The following TRAPPC8 variants were observed in gnomAD, a reference collection of about 807,000 sequenced individuals.
TRAPPC8 encodes trafficking protein particle complex subunit 8.
TRAPPC8 carries 54 observed loss-of-function variants against 174.3 expected under a neutral mutation model. The ratio of observed to expected loss-of-function variants is 0.31; its 90% CI spans 0.25 to 0.39. The LOEUF (loss-of-function observed/expected upper bound fraction) is 0.39, where lower values mean the gene tolerates loss of function less well. Ranked by LOEUF, TRAPPC8 falls within the 10% of genes least tolerant of loss-of-function variation. The pLI is 1.00. For synonymous variants in TRAPPC8, 630 were observed against 579.9 expected, an observed-to-expected ratio of 1.09 and a Z score of -1.24; for missense variants, 1,531 against 1,699.1, an observed-to-expected ratio of 0.90 and a Z score of 1.74.
rs56034125 is a variant in TRAPPC8 at position 31,836,406 on chromosome 18, C to G, written c.3983+2906G>C. ...TAGATTCCATAGGGTTTTTTAACCC[C>G]TAAGTAGAATGATGTAGAGAACTCC... is the stretch of plus-strand genomic sequence containing the variant. On this transcript the variant is annotated intron_variant, in intron 27 of 28. Transcript: ENST00000283351. Among the ~76,000 whole-genome samples, 719 of 152,218 alleles carry G rather than the reference C, an allele frequency of 4.7e-3. 2 individuals are homozygous for G. Among genetic ancestry groups the G allele is most frequent in the African/African-American group, 0.017 (694 of 41,538 alleles).
intron 1 of TRAPPC8, among the ~76,000 whole-genome samples, chr18:31,940,895 AGAT>A (rs1409280274): frequency 6.6e-6 from 1 of 152,242 alleles, no homozygotes; most frequent in Admixed American, 6.5e-5. Context: ...TCAGGAGATA[AGAT>A]GATTAAGAAC....
At chr18:31,929,453 G>A (rs1349525646) in intron 2 of TRAPPC8, among the ~76,000 whole-genome samples, 2 of 152,028 alleles carry the variant, frequency 1.3e-5, no homozygotes, top group East Asian at 3.9e-4. Flanking sequence ...CATAAGTCCA[G>A]GAGTTCAAGG....
chr18:31,890,931 G>GA (rs1337953029), intron 11 of TRAPPC8, 65 bp from the exon 12 acceptor site: 11 of 1,463,922 alleles, frequency 7.5e-6, no homozygotes, highest in South Asian at 4.0e-5. Flanking sequence ...GATAACTAGT[G>GA]AAAAAAACAT....
intron 11 of TRAPPC8, chr18:31,895,683 T>A (rs187406738): frequency 2.6e-5 from 4 of 152,310 alleles, no homozygotes; most frequent in African/African-American, 9.6e-5. Context: ...TCCTGAACCA[T>A]AAATTCTTTT....
Position 31,867,474 on chromosome 18 carries a change from A to C in TRAPPC8, c.2391T>G (p.Val797=), listed in dbSNP as rs755829946. 58 of 1,595,056 alleles carry C rather than the reference A, an allele frequency of 3.6e-5. No homozygotes were observed. Among genetic ancestry groups the C allele is most frequent in the Non-Finnish European group, 4.9e-5 (57 of 1,165,856 alleles). ...GKDNEEVKQL[V]TSEPEMIGAE... The stretch of plus-strand genomic sequence containing the variant: ...CTCCAATCATTTCAGGTTCACTTGT[A>C]ACCTAAAAAATAAATTTCATAAATT... The change falls in exon 17 of 29, where the codon GTT becomes GTG. Residue 797 remains valine (V), a splice_region_variant and synonymous_variant. Transcript: ENST00000283351.
intron 25 of TRAPPC8, among the ~76,000 whole-genome samples, chr18:31,847,367 CTT>C (rs1464304939): frequency 5.9e-5 from 9 of 152,088 alleles, no homozygotes; most frequent in African/African-American, 1.9e-4. Flanking sequence ...GTTTATAACT[CTT>C]CTCTCTCTTC....
chr18:31,916,973 C>T (rs1468661047), intron 3 of TRAPPC8, among the ~76,000 whole-genome samples: 2 of 150,890 alleles, frequency 1.3e-5, no homozygotes, highest in African/African-American at 4.9e-5. Flanking sequence ...ACAGTTTTTT[C>T]GGCCATTAAT....
At chr18:31,916,479 T>C in intron 3 of TRAPPC8, 33 bp from the exon 4 acceptor site, 8 of 1,562,170 alleles carry the variant, frequency 5.1e-6, no homozygotes, top group Non-Finnish European at 6.9e-6. Flanking sequence ...TAATTATCGC[T>C]TATTACTCAA....
chr18:31,869,171 C>T (rs1029919104), intron 16 of TRAPPC8, among the ~76,000 whole-genome samples: 2 of 151,728 alleles, frequency 1.3e-5, no homozygotes, highest in African/African-American at 2.4e-5. Context: ...AACTATTTGG[C>T]CACATCATTT....
chr18:31,893,407 G>A (rs543273491), intron 11 of TRAPPC8, among the ~76,000 whole-genome samples: 13 of 151,684 alleles, frequency 8.6e-5, no homozygotes, highest in African/African-American at 2.4e-4. Flanking sequence ...GTGTGTGCGC[G>A]CGCGCGTGTG....
At chr18:31,853,739 T>G in intron 22 of TRAPPC8, 110 bp downstream of exon 22, 1 of 734,672 alleles carries the variant, frequency 1.4e-6, no homozygotes. Context: ...AATCACAATT[T>G]AATGCTTAAA....
At chr18:31,904,285 C>CA (rs1187002799) in intron 9 of TRAPPC8, among the ~76,000 whole-genome samples, 2 of 151,730 alleles carry the variant, frequency 1.3e-5, no homozygotes, top group Admixed American at 1.3e-4. Context: ...GGAAATGGCT[C>CA]ACGCCTGTAA....
intron 12 of TRAPPC8, among the ~76,000 whole-genome samples, chr18:31,884,785 T>A (rs2035623954): frequency 6.6e-6 from 1 of 151,916 alleles, no homozygotes; most frequent in African/African-American, 2.4e-5. Flanking sequence ...GGTGGGATGA[T>A]CTCTTGAAGC....
chr18:31,938,723 G>A (rs960043637), intron 1 of TRAPPC8, among the ~76,000 whole-genome samples: 5 of 152,108 alleles, frequency 3.3e-5, no homozygotes, highest in Non-Finnish European at 5.9e-5. Flanking sequence ...AATGTTAGCT[G>A]GTTTTAGTCA....
intron 24 of TRAPPC8, among the ~76,000 whole-genome samples, chr18:31,850,249 C>A (rs1289585613): frequency 1.3e-5 from 2 of 152,130 alleles, no homozygotes; most frequent in African/African-American, 4.8e-5. Context: ...CTGCACCCAG[C>A]TGCAAGTTAC....
intron 26 of TRAPPC8, among the ~76,000 whole-genome samples, chr18:31,841,683 T>C (rs2033108803): frequency 1.3e-5 from 2 of 152,180 alleles, no homozygotes; most frequent in South Asian, 4.1e-4. Context: ...ATGCCTGCTG[T>C]TGCCTAAACA....
At chr18:31,845,450 G>A (rs968096019) in intron 26 of TRAPPC8, among the ~76,000 whole-genome samples, 1 of 151,482 alleles carries the variant, frequency 6.6e-6, no homozygotes, top group Non-Finnish European at 1.5e-5. Context: ...CTTCCTGAAT[G>A]TGATAATGTT....
At chr18:31,942,450 C>T (rs1432336514) in intron 1 of TRAPPC8, 158 bp downstream of exon 1, 2 of 988,464 alleles carry the variant, frequency 2.0e-6, no homozygotes, top group Admixed American at 3.7e-5. Flanking sequence ...GGTCCCTCCT[C>T]CAGCCGCCCC....
chr18:31,856,749 T>C (rs1004075340), intron 20 of TRAPPC8, among the ~76,000 whole-genome samples: 2 of 151,576 alleles, frequency 1.3e-5, no homozygotes, highest in East Asian at 1.9e-4. Flanking sequence ...AGCCGCTCCC[T>C]AGAATAATAC....
Sources: allele counts gnomAD v4.1 joint callset (sites outside exome capture counted in the v4.1 genomes callset), GRCh38; gene constraint gnomAD v4.1.1; transcripts MANE v1.5; gene names NCBI Gene and HGNC (gene_info 2026-07-23, HGNC 2026-07-21).